The following CDK17 variants were observed in gnomAD, a reference collection of about 807,000 sequenced individuals.
CDK17 encodes the protein cyclin dependent kinase 17.
Under a neutral mutation model 77.6 loss-of-function variants are expected in CDK17, and 24 were observed. The ratio of observed to expected loss-of-function variants is 0.31; its 90% CI spans 0.22 to 0.44. The LOEUF (loss-of-function observed/expected upper bound fraction) is 0.44. Among genes scored for constraint, CDK17 ranks in the 20% least tolerant of loss-of-function variants. The pLI is 1.00. For synonymous variants in CDK17, 203 were observed against 210.4 expected (o/e 0.96, Z 0.30); for missense variants, 429 against 622.5 (o/e 0.69, Z 3.31).
At position 96,304,224 on chromosome 12, in the gene CDK17, A is replaced by C. The variant is rs374717988; in HGVS notation, c.544-3864T>G. Among the ~76,000 whole-genome samples the C allele has an allele frequency of 8.5e-5, 13 of 152,266 alleles. No homozygotes were observed. The East Asian group carries it at 1.5e-3, about 18-fold the overall frequency. ...ACAGAGGATCCATAGATGACATTTTAAGAGTGAGTATATATTAATACATAA... is the reference window on the plus strand; with the variant it reads ...ACAGAGGATCCATAGATGACATTTTCAGAGTGAGTATATATTAATACATAA... On this transcript the variant is annotated intron_variant, in intron 5 of 16. Transcript: ENST00000261211.
chr12:96,395,652 C>A (rs1281833453), intron 1 of CDK17, among the ~76,000 whole-genome samples: 1 of 152,152 alleles, frequency 6.6e-6, no homozygotes, highest in African/African-American at 2.4e-5. Flanking sequence ...CCAAAATTCA[C>A]ATGTTGAAGT....
At chr12:96,300,193 G>A in intron 6 of CDK17, 111 bp downstream of exon 6, 1 of 741,242 alleles carries the variant, frequency 1.3e-6, no homozygotes, top group South Asian at 1.5e-5. Flanking sequence ...ATATAATCTT[G>A]TAGACATCAG....
At chr12:96,284,088 T>C (rs930734900) in intron 13 of CDK17, among the ~76,000 whole-genome samples, 1 of 152,214 alleles carries the variant, frequency 6.6e-6, no homozygotes, top group Non-Finnish European at 1.5e-5. Flanking sequence ...AAATGAGCTA[T>C]TCAGCAAATT....
chr12:96,280,871 T>C lies in CDK17; in HGVS notation c.1471A>G (p.Ser491Gly), dbSNP rs748388690. Residue 491 changes from serine (S) to glycine (G), a missense_variant, in exon 16 of 17, where the codon AGT becomes GGT. Coordinates refer to ENST00000261211, the MANE Select transcript of CDK17 (RefSeq NM_002595.5). ...HALPESVSIF[S>G]LKEIQLQKDP... Reference sequence around the variant, plus strand: ...TTTTGCAACTGAATCTCTTTCAAACTGAATATTGATACACCTAAAATGCAT... The same window carrying C: ...TTTTGCAACTGAATCTCTTTCAAACCGAATATTGATACACCTAAAATGCAT... 2 of 1,613,028 alleles carry C rather than the reference T, an allele frequency of 1.2e-6. No individual in the cohort carries two copies.
intron 5 of CDK17, among the ~76,000 whole-genome samples, chr12:96,305,124 T>G (rs186225567): frequency 6.6e-6 from 1 of 152,210 alleles, no homozygotes; most frequent in Non-Finnish European, 1.5e-5. Context: ...TATCTACATA[T>G]AGGCTTTGCC....
At chr12:96,305,210 G>A (rs993382922) in intron 5 of CDK17, among the ~76,000 whole-genome samples, 2 of 152,098 alleles carry the variant, frequency 1.3e-5, no homozygotes, top group African/African-American at 4.8e-5. Context: ...TAAATAGCAC[G>A]TCACCATCCA....
chr12:96,353,606 G>GGC (rs1023153525), intron 1 of CDK17, among the ~76,000 whole-genome samples: 4 of 11,042 alleles, frequency 3.6e-4, no homozygotes, highest in Non-Finnish European at 1.7e-3. Context: ...AAAAGGTGGC[G>GGC]GGGGGGGGCG....
chr12:96,394,593 T>C (rs903986239), intron 1 of CDK17, among the ~76,000 whole-genome samples: 2 of 151,720 alleles, frequency 1.3e-5, no homozygotes, highest in Admixed American at 1.3e-4. Flanking sequence ...GGTGCACAGA[T>C]CACCTGAGGT....
At chr12:96,341,394 G>A (rs1463967930) in intron 1 of CDK17, among the ~76,000 whole-genome samples, 1 of 151,536 alleles carries the variant, frequency 6.6e-6, no homozygotes, top group Non-Finnish European at 1.5e-5. Context: ...TTTTCTAGAT[G>A]TCAAAAACAC....
In CDK17 at chr12:96,278,965, G is replaced by C. The variant is rs3087520; in HGVS notation, c.*1277C>G. The C allele has an allele frequency of 0.22, 32,928 of 152,312 alleles. 4,439 individuals are homozygous for C. Among genetic ancestry groups the C allele is most frequent in the Middle Eastern group, 0.33 (97 of 294 alleles). 9.4% of individuals were successfully genotyped at this position (152,312 alleles called of 1,614,324 possible). A position where few individuals can be genotyped will look rare whatever the true frequency, so the allele number is the denominator to read the frequency against. Reference sequence around the variant, plus strand: ...CCTGAATGTTTTACAGTGAATTTCAGGAAAAGAAATTAAGTTATGACTATT... The same window carrying C: ...CCTGAATGTTTTACAGTGAATTTCACGAAAAGAAATTAAGTTATGACTATT... On this transcript the variant is annotated 3_prime_UTR_variant, in exon 17 of 17. Transcript: ENST00000261211.
rs914300756 is a variant in CDK17 at position 96,289,221 on chromosome 12, C to T, written c.1064G>A (p.Arg355Gln). 6.2e-7 allele frequency: 1 copy of T among 1,613,902 alleles called. No individual in the cohort carries two copies. The highest frequency in any genetic ancestry group is 8.5e-7 in the Non-Finnish European group (1 of 1,179,854). Residue 355 changes from arginine (R) to glutamine (Q), a missense_variant, in exon 11 of 17, where the codon CGG (arginine) becomes CAG (glutamine). Arg to Gln is a conservative substitution (Grantham distance 43, BLOSUM62 1). Around this residue, in one of 4 missense-constraint regions of CDK17, gnomAD observed 51 missense variants for 96.5 expected, o/e 0.53. Transcript: ENST00000261211. The part of the protein sequence containing the change: ...YSNEVVTLWY[R>Q]PPDVLLGSSE... ...GGAACCAAGAAGCACATCAGGTGGC[C>T]GGTACCATAGTGTGACAACTTCATT...
intron 1 of CDK17, among the ~76,000 whole-genome samples, chr12:96,349,309 C>T (rs1461323411): frequency 1.3e-5 from 2 of 151,946 alleles, no homozygotes; most frequent in African/African-American, 2.4e-5. Context: ...CAAAATTAGC[C>T]GGGCATGGTG....
rs547824623 is a variant in CDK17, at chr12:96,330,709, C to T, written c.118+4010G>A. Among the ~76,000 whole-genome samples the T allele has an allele frequency of 1.9e-3, 291 of 152,286 alleles. 1 individual carries two copies. Among genetic ancestry groups the T allele is most frequent in the Non-Finnish European group, 3.7e-3 (252 of 68,020 alleles). On this transcript the variant is annotated intron_variant, in intron 2 of 16. Coordinates refer to ENST00000261211, the MANE Select transcript of CDK17 (RefSeq NM_002595.5). ...ATTCATTTATGTATTGAATAATATT[C>T]CATTCTATGGACAGACCACATTCTG...
chr12:96,291,255 A>G (rs1306211212), intron 10 of CDK17, among the ~76,000 whole-genome samples: 1 of 152,178 alleles, frequency 6.6e-6, no homozygotes, highest in South Asian at 2.1e-4. Flanking sequence ...CAAAATTTAA[A>G]GCACTCAGAG....
intron 3 of CDK17, among the ~76,000 whole-genome samples, chr12:96,317,843 C>A (rs1417117936): frequency 6.7e-6 from 1 of 150,202 alleles, no homozygotes; most frequent in Non-Finnish European, 1.5e-5. Flanking sequence ...GCTGCAAAAT[C>A]ATGCCAAAAT....
intron 10 of CDK17, among the ~76,000 whole-genome samples, chr12:96,289,580 T>A (rs34718623): frequency 0.052 from 7,881 of 152,266 alleles, 267 homozygotes; most frequent in Non-Finnish European, 0.064. Context: ...ATGTTTTCCT[T>A]CTGTCCATGA....
chr12:96,358,305 G>C (rs925984731), intron 1 of CDK17, among the ~76,000 whole-genome samples: 3 of 129,840 alleles, frequency 2.3e-5, no homozygotes, highest in African/African-American at 8.9e-5. Context: ...TACACACACA[G>C]ATATGCAGAT....
intron 1 of CDK17, among the ~76,000 whole-genome samples, chr12:96,355,184 G>C (rs996537549): frequency 6.6e-6 from 1 of 151,770 alleles, no homozygotes; most frequent in Non-Finnish European, 1.5e-5. Context: ...TATAGCAGCT[G>C]TCTCTTTTTT....
At chr12:96,295,600 C>T (rs969763294) in intron 9 of CDK17, among the ~76,000 whole-genome samples, 1 of 151,710 alleles carries the variant, frequency 6.6e-6, no homozygotes, top group East Asian at 1.9e-4. Flanking sequence ...CTGGAATTGG[C>T]GATTTTATGA....
Sources: allele counts gnomAD v4.1 joint callset (sites outside exome capture counted in the v4.1 genomes callset), GRCh38; gene constraint gnomAD v4.1.1; regional missense constraint gnomAD v4.1.1; transcripts MANE v1.5; gene names NCBI Gene and HGNC (gene_info 2026-07-23, HGNC 2026-07-21).